PAX3: variants seen among roughly 807,000 people sequenced by gnomAD.
The protein encoded by PAX3 is paired box protein Pax-3.
A neutral mutation model predicts 51.6 loss-of-function variants in PAX3; 14 were observed. That is an observed-to-expected ratio of 0.27 (90% CI 0.18 to 0.42). PAX3 has a LOEUF of 0.42. Among genes scored for constraint, PAX3 ranks in the 10% least tolerant of loss-of-function variants. The pLI is 1.00. For missense variants in PAX3, 540 were observed against 642.8 expected, an observed-to-expected ratio of 0.84 and a Z score of 1.73; for synonymous variants, 280 against 253.4, an observed-to-expected ratio of 1.11 and a Z score of -1.00.
At chr2:222,202,359 T>C (rs151080004) in intron 7 of PAX3, among the ~76,000 whole-genome samples, 169 bp from the exon 8 acceptor site, 8 of 151,726 alleles carry the variant, frequency 5.3e-5, no homozygotes, top group Non-Finnish European at 1.0e-4. Flanking sequence ...TATTACATCA[T>C]GCCCGACGAT....
At chr2:222,283,992 G>A (rs769855467) in intron 4 of PAX3, among the ~76,000 whole-genome samples, 16 of 152,320 alleles carry the variant, frequency 1.1e-4, no homozygotes, top group Admixed American at 5.2e-4. Context: ...CAATAACACA[G>A]GAGCCCCCAA....
intron 5 of PAX3, among the ~76,000 whole-genome samples, chr2:222,230,875 AT>A (rs1186402260): frequency 1.4e-5 from 2 of 147,888 alleles, no homozygotes; most frequent in East Asian, 2.0e-4. Context: ...AAAAAAAAAA[AT>A]CTCATCCTTT....
intron 7 of PAX3, among the ~76,000 whole-genome samples, chr2:222,214,189 A>G (rs931567091): frequency 1.3e-5 from 2 of 152,142 alleles, no homozygotes; most frequent in African/African-American, 4.8e-5. Context: ...AGCAGTCTTG[A>G]GTTTTGTGTA....
intron 4 of PAX3, among the ~76,000 whole-genome samples, chr2:222,275,759 C>CA (rs560819627): frequency 6.6e-6 from 1 of 152,164 alleles, no homozygotes; most frequent in Non-Finnish European, 1.5e-5. Context: ...AATGTTTTTA[C>CA]AAAAACAACA....
At chr2:222,217,208 T>A (rs986803907) in intron 7 of PAX3, among the ~76,000 whole-genome samples, 1 of 152,204 alleles carries the variant, frequency 6.6e-6, no homozygotes, top group Non-Finnish European at 1.5e-5. Context: ...AAATTTTTTT[T>A]ATTTATCTAC....
At chr2:222,207,612 T>C (rs1488426044) in intron 7 of PAX3, among the ~76,000 whole-genome samples, 1 of 152,208 alleles carries the variant, frequency 6.6e-6, no homozygotes, top group Non-Finnish European at 1.5e-5. Flanking sequence ...ACAGTAAGTA[T>C]TGTCTCAGTT....
At chr2:222,225,390 C>T (rs1350629226) in intron 5 of PAX3, among the ~76,000 whole-genome samples, 2 of 151,934 alleles carry the variant, frequency 1.3e-5, no homozygotes, top group South Asian at 2.1e-4. Context: ...GTTGAAAGAG[C>T]CCCATAACAT....
intron 4 of PAX3, among the ~76,000 whole-genome samples, chr2:222,272,525 G>C (rs1322046459): frequency 2.0e-5 from 3 of 152,122 alleles, no homozygotes; most frequent in Admixed American, 2.0e-4. Flanking sequence ...TATGGCTTTG[G>C]TTAAGTTTTG....
intron 4 of PAX3, among the ~76,000 whole-genome samples, chr2:222,261,062 C>T (rs760092311): frequency 6.6e-6 from 1 of 152,228 alleles, no homozygotes. Flanking sequence ...AATTACTATA[C>T]TGATAAACTT....
chr2:222,279,139 C>A (rs566605660), intron 4 of PAX3, among the ~76,000 whole-genome samples: 1 of 152,096 alleles, frequency 6.6e-6, no homozygotes, highest in African/African-American at 2.4e-5. Context: ...TTAGTAGAGA[C>A]GGGGCGGTTT....
intron 4 of PAX3, among the ~76,000 whole-genome samples, chr2:222,234,072 A>C (rs192506319): frequency 2.6e-5 from 4 of 152,228 alleles, no homozygotes; most frequent in Admixed American, 2.6e-4. Flanking sequence ...TACACATCCA[A>C]AATGAACCCA....
intron 5 of PAX3, among the ~76,000 whole-genome samples, chr2:222,227,186 A>G (rs1435645284): frequency 5.9e-5 from 9 of 152,074 alleles, no homozygotes; most frequent in Admixed American, 3.3e-4. Context: ...GTTAAATTCT[A>G]TTTCCCCTAG....
At chr2:222,264,210 C>T (rs1693963591) in intron 4 of PAX3, 1 of 152,112 alleles carries the variant, frequency 6.6e-6, no homozygotes, top group Non-Finnish European at 1.5e-5. Flanking sequence ...ATTATTCAGC[C>T]ATAAAAAGTA....
At position 222,221,334 on chromosome 2, in the gene PAX3, T is replaced by C. The variant is rs201008796; in HGVS notation, c.846A>G (p.Gln282=). Residue 282 remains glutamine (Q), a synonymous_variant, in exon 6 of 9, where the codon CAA becomes CAG. Transcript: ENST00000392070. ...GAATGAGATGGTTGAAAGCCATCAG[T>C]TGATTGGCCCCAGCTTGCTTCCTCC... ...ARWRKQAGAN[Q]LMAFNHLIPG... The C allele has an allele frequency of 2.5e-6, 4 of 1,614,020 alleles. No individual in the cohort carries two copies. In the Admixed American group the frequency reaches 5.0e-5, roughly 20 times the overall value.
In PAX3 at chr2:222,201,957, C is replaced by T; in HGVS notation, c.1407G>A (p.Gly469=). 1 of 1,614,070 alleles carries T rather than the reference C, an allele frequency of 6.2e-7. No individual in the cohort carries two copies. Among genetic ancestry groups the T allele is most frequent in the Non-Finnish European group, 8.5e-7 (1 of 1,179,984 alleles). The change falls in exon 8 of 9, where the codon GGG becomes GGA. Residue 469 remains glycine, a synonymous_variant. Transcript: ENST00000392070. ...TCCAAGGCTTACTTTGTCCATACTG[C>T]CCATATTGGTAGCCTGTGACAGGGT... is the stretch of plus-strand genomic sequence containing the variant. ...SMDPVTGYQY[G]QYGQSAFHYL...
chr2:222,218,148 G>T (rs1048343951), intron 7 of PAX3, among the ~76,000 whole-genome samples: 3 of 152,154 alleles, frequency 2.0e-5, no homozygotes, highest in Non-Finnish European at 4.4e-5. Context: ...ACCATAATAT[G>T]TAAGATATAG....
chr2:222,231,190 A>T (rs980910345), intron 5 of PAX3, among the ~76,000 whole-genome samples: 8 of 152,234 alleles, frequency 5.3e-5, no homozygotes, highest in African/African-American at 1.9e-4. Flanking sequence ...GGACCATGTC[A>T]ACTGACTAGT....
intron 2 of PAX3, 104 bp from the exon 3 acceptor site, chr2:222,295,761 C>G: frequency 7.5e-7 from 1 of 1,330,428 alleles, no homozygotes; most frequent in Non-Finnish European, 1.1e-6. Context: ...GCTGAATCCT[C>G]TGGGACGGTC....
chr2:222,253,553 C>A (rs934317665), intron 4 of PAX3, among the ~76,000 whole-genome samples: 2 of 151,614 alleles, frequency 1.3e-5, no homozygotes, highest in African/African-American at 4.8e-5. Flanking sequence ...CAACCTACAA[C>A]ATACATACAT....
Sources: allele counts gnomAD v4.1 joint callset (sites outside exome capture counted in the v4.1 genomes callset), GRCh38; gene constraint gnomAD v4.1.1; transcripts MANE v1.5; gene names NCBI Gene and HGNC (gene_info 2026-07-23, HGNC 2026-07-21).